Variants in CNTNAP2 observed in about 807,000 individuals in gnomAD.
CNTNAP2 encodes the protein contactin associated protein 2.
CNTNAP2 carries 98 observed loss-of-function variants against 155.2 expected under a neutral mutation model. That is an observed-to-expected ratio of 0.63 (90% CI 0.54 to 0.75). The LOEUF (loss-of-function observed/expected upper bound fraction) is 0.75. CNTNAP2 is among the 30% of genes least tolerant of loss of function. The pLI is 0.00. For synonymous variants in CNTNAP2, 651 were observed against 631.2 expected (o/e 1.03, Z -0.47); for missense variants, 1,727 against 1,688.1 (o/e 1.02, Z -0.40).
chr7:146,427,464 A>G (rs1796109871), intron 1 of CNTNAP2, among the ~76,000 whole-genome samples: 2 of 152,216 alleles, frequency 1.3e-5, no homozygotes, highest in South Asian at 4.1e-4. Flanking sequence ...CTTTCATGTG[A>G]CAAAACTTTA....
At chr7:148,043,603 C>G (rs1802716745) in intron 15 of CNTNAP2, among the ~76,000 whole-genome samples, 1 of 152,150 alleles carries the variant, frequency 6.6e-6, no homozygotes, top group Non-Finnish European at 1.5e-5. Flanking sequence ...TAGTTTTAAT[C>G]TGAACTTTTC....
At chr7:146,397,301 G>A (rs12670728) in intron 1 of CNTNAP2, among the ~76,000 whole-genome samples, 53,463 of 152,010 alleles carry the variant, frequency 0.35, 9,891 homozygotes, top group Admixed American at 0.46. Context: ...ATTTCCCGGA[G>A]ACCACATTTA....
intron 3 of CNTNAP2, among the ~76,000 whole-genome samples, chr7:146,992,545 G>T (rs558194606): frequency 1.3e-5 from 2 of 152,186 alleles, no homozygotes; most frequent in East Asian, 1.9e-4. Flanking sequence ...TGAATCCCAG[G>T]TTCCACCCCA....
chr7:147,514,899 C>A (rs1300157142), intron 11 of CNTNAP2, among the ~76,000 whole-genome samples: 1 of 152,184 alleles, frequency 6.6e-6, no homozygotes, highest in Non-Finnish European at 1.5e-5. Context: ...CTACTTTCAC[C>A]CAGGCCCTAT....
intron 1 of CNTNAP2, among the ~76,000 whole-genome samples, chr7:146,533,107 C>CAAAAAAAAAAAA (rs553035616): frequency 2.1e-4 from 10 of 47,852 alleles, no homozygotes; most frequent in African/African-American, 4.1e-4. Context: ...GACCCTGTCT[C>CAAAAAAAAAAAA]AAAAAAAAAA....
At chr7:146,903,594 G>A (rs1796050611) in intron 3 of CNTNAP2, among the ~76,000 whole-genome samples, 1 of 151,982 alleles carries the variant, frequency 6.6e-6, no homozygotes, top group Non-Finnish European at 1.5e-5. Context: ...TACCACCCTG[G>A]TCCAGATCTG....
chr7:148,243,430 C>T (rs1350627031), intron 20 of CNTNAP2, among the ~76,000 whole-genome samples: 4 of 152,150 alleles, frequency 2.6e-5, no homozygotes, highest in African/African-American at 4.8e-5. Context: ...CTGATAAAGA[C>T]GTACCTGAGA....
rs546437079 is a variant in CNTNAP2, at chr7:148,118,302, G to A, written c.2554+14G>A. On this transcript the variant is annotated intron_variant, in intron 16 of 23. Coordinates refer to ENST00000361727, the MANE Select transcript of CNTNAP2 (RefSeq NM_014141.6). ...TGGAGCTGAAGTGTGAGTATAAGTT[G>A]CTTGTCAACTCATGGGGAGCCACTT... 6.2e-7 allele frequency: 1 copy of A among 1,613,952 alleles called. No homozygotes were observed. The highest frequency in any genetic ancestry group is 1.3e-5 in the African/African-American group (1 of 75,042).
chr7:147,412,711 G>A (rs756157697), intron 10 of CNTNAP2, among the ~76,000 whole-genome samples: 2 of 152,180 alleles, frequency 1.3e-5, no homozygotes, highest in South Asian at 4.1e-4. Flanking sequence ...AATTCTAAAT[G>A]GAGGGATTTA....
At chr7:148,043,432 G>A (rs543015407) in intron 15 of CNTNAP2, among the ~76,000 whole-genome samples, 4 of 152,278 alleles carry the variant, frequency 2.6e-5, no homozygotes, top group Admixed American at 2.6e-4. Context: ...TTTGCTCAGA[G>A]CTGCTCCTCA....
chr7:146,336,378 G>C (rs1255328562), intron 1 of CNTNAP2, among the ~76,000 whole-genome samples: 2 of 151,846 alleles, frequency 1.3e-5, no homozygotes, highest in Admixed American at 6.6e-5. Context: ...CTTTCACCCA[G>C]AACTTTCTCT....
At chr7:147,708,258 G>A (rs1796347868) in intron 13 of CNTNAP2, among the ~76,000 whole-genome samples, 1 of 152,180 alleles carries the variant, frequency 6.6e-6, no homozygotes, top group Non-Finnish European at 1.5e-5. Context: ...GGGCAGGAGA[G>A]TTTGTTCATG....
At chr7:146,151,655 T>TAC (rs57711005) in intron 1 of CNTNAP2, among the ~76,000 whole-genome samples, 84 of 29,932 alleles carry the variant, frequency 2.8e-3, no homozygotes, top group African/African-American at 7.8e-3. Flanking sequence ...TATATATATA[T>TAC]ATATATATAT....
In CNTNAP2 at chr7:146,528,489, C is replaced by G. The variant is rs369554650; in HGVS notation, c.98-245782C>G. On this transcript the variant is annotated intron_variant, in intron 1 of 23. Transcript: ENST00000361727. ...CTCAGAAGTTACCATTAGTAATATT[C>G]AAGCACCTGGAAATCTCACACTTAA... 5.9e-5 allele frequency among the ~76,000 whole-genome samples: 9 copies of G among 152,200 alleles called. No individual in the cohort carries two copies. In the South Asian group the frequency reaches 1.9e-3, roughly 32 times the overall value.
intron 1 of CNTNAP2, among the ~76,000 whole-genome samples, chr7:146,359,524 C>G (rs1161846973): frequency 6.6e-6 from 1 of 152,180 alleles, no homozygotes; most frequent in Non-Finnish European, 1.5e-5. Flanking sequence ...TGTTCACTGA[C>G]AGATTGCCAT....
chr7:147,635,604 G>A (rs1305295667), intron 12 of CNTNAP2, among the ~76,000 whole-genome samples: 1 of 152,076 alleles, frequency 6.6e-6, no homozygotes, highest in Non-Finnish European at 1.5e-5. Flanking sequence ...GTGGTGAGAG[G>A]GGCAGAAGTA....
intron 13 of CNTNAP2, among the ~76,000 whole-genome samples, chr7:147,744,240 C>T (rs1209909979): frequency 2.0e-5 from 3 of 152,048 alleles, no homozygotes; most frequent in Admixed American, 6.6e-5. Flanking sequence ...GAGCCATCTG[C>T]CCCTTTTTAC....
intron 3 of CNTNAP2, among the ~76,000 whole-genome samples, chr7:146,857,323 T>C (rs944316662): frequency 5.3e-5 from 8 of 152,140 alleles, no homozygotes; most frequent in Non-Finnish European, 1.0e-4. Context: ...TATTGCAGCT[T>C]TTCCATAATT....
chr7:146,750,158 T>G (rs532902401), intron 1 of CNTNAP2, among the ~76,000 whole-genome samples: 2 of 152,208 alleles, frequency 1.3e-5, no homozygotes, highest in African/African-American at 4.8e-5. Context: ...CCAAATTATC[T>G]CAACATCAAC....
Sources: gnomAD v4.1 joint callset for allele counts (sites outside exome capture counted in the v4.1 genomes callset) on GRCh38, gnomAD v4.1.1 for gene constraint, MANE v1.5 for transcripts, NCBI Gene and HGNC (gene_info 2026-07-23, HGNC 2026-07-21) for gene names.